The following SOX5 variants were observed in gnomAD, a reference collection of about 807,000 sequenced individuals.
SOX5 encodes the protein transcription factor SOX-5.
SOX5 carries 9 observed loss-of-function variants against 92.0 expected under a neutral mutation model. The ratio of observed to expected loss-of-function variants is 0.10; its 90% CI spans 0.06 to 0.17. The LOEUF is 0.17. Ranked by LOEUF, SOX5 falls within the 10% of genes least tolerant of loss-of-function variation. The probability of loss-of-function intolerance (pLI) is 1.00; values close to 1 mark genes in which losing one functional copy is unlikely to be tolerated. For missense variants in SOX5, 642 were observed against 944.5 expected (o/e 0.68, Z 4.20); for synonymous variants, 344 against 336.3 (o/e 1.02, Z -0.25).
chr12:23,788,245 A>C (rs990883835), intron 3 of SOX5, among the ~76,000 whole-genome samples: 1 of 152,004 alleles, frequency 6.6e-6, no homozygotes, highest in African/African-American at 2.4e-5. Flanking sequence ...GTCAGAGAGT[A>C]GCAAATGTAA....
At chr12:23,930,969 A>ATT (rs759616671) in intron 1 of SOX5, among the ~76,000 whole-genome samples, 20 of 151,598 alleles carry the variant, frequency 1.3e-4, no homozygotes, top group Non-Finnish European at 1.3e-4. Context: ...CCCCATTCAT[A>ATT]TTTTCCTTCA....
chr12:24,523,529 C>A (rs931799215), intron 1 of SOX5, among the ~76,000 whole-genome samples: 3 of 152,122 alleles, frequency 2.0e-5, no homozygotes, highest in Admixed American at 2.0e-4. Context: ...ATGCTACTGG[C>A]ATAAAAATAG....
chr12:23,918,935 G>A (rs11047166), intron 1 of SOX5, among the ~76,000 whole-genome samples: 95,780 of 148,252 alleles, frequency 0.65, 31,230 homozygotes, highest in Non-Finnish European at 0.72. Context: ...GAAAAAAAAA[G>A]AAAGAAAGAA....
At chr12:23,568,592 A>G (rs906113995) in intron 10 of SOX5, among the ~76,000 whole-genome samples, 1 of 152,110 alleles carries the variant, frequency 6.6e-6, no homozygotes, top group African/African-American at 2.4e-5. Flanking sequence ...CACAGAATTC[A>G]TCATCTTTCC....
rs532022745 is a variant in SOX5 at position 24,053,775 on chromosome 12, T to C, written c.-1-157751A>G. Among the ~76,000 whole-genome samples the C allele has an allele frequency of 5.9e-5, 9 of 152,350 alleles. No homozygotes were observed. In the South Asian group the frequency reaches 1.9e-3, roughly 32 times the overall value. Reference sequence around the variant, plus strand: ...TTAAAGAATTTCCATAAATTCTATATTTCATATTTAATAGCTTTCATTGAG... The same window carrying C: ...TTAAAGAATTTCCATAAATTCTATACTTCATATTTAATAGCTTTCATTGAG... On this transcript the variant is annotated intron_variant, in intron 4 of 4. Coordinates refer to the SOX5 transcript ENST00000446891.
chr12:24,212,679 G>A (rs1391961715), intron 4 of SOX5, among the ~76,000 whole-genome samples: 1 of 152,256 alleles, frequency 6.6e-6, no homozygotes, highest in African/African-American at 2.4e-5. Flanking sequence ...AAAGGCCAGT[G>A]TGGCTCTAGC....
At chr12:23,951,029 T>G, upstream of SOX5, 1 of 636,074 alleles carries the variant, frequency 1.6e-6, no homozygotes, top group Admixed American at 2.2e-5. Context: ...TCTCCACTCC[T>G]ACTGGGAGGG....
intron 1 of SOX5, among the ~76,000 whole-genome samples, chr12:24,466,637 A>G (rs1181081210): frequency 6.6e-6 from 1 of 152,216 alleles, no homozygotes; most frequent in Non-Finnish European, 1.5e-5. Flanking sequence ...TCCCAAACCA[A>G]ACATTATGCA....
Position 24,243,946 on chromosome 12 carries a change from G to A in SOX5, c.-76-30529C>T, listed in dbSNP as rs1211946786. On this transcript the variant is annotated intron_variant, in intron 3 of 4. Transcript: ENST00000446891. The stretch of plus-strand genomic sequence containing the variant: ...TGTAACCTTACATTACAGTTCTGCA[G>A]TTATTCTGAATTCAAGCTATCTAAT... 1.3e-5 allele frequency among the ~76,000 whole-genome samples: 2 copies of A among 151,490 alleles called. 1 individual carries two copies. The highest frequency in any genetic ancestry group is 6.3e-3 in the Middle Eastern group (2 of 316).
At chr12:23,739,970 G>A (rs1376257002) in intron 5 of SOX5, among the ~76,000 whole-genome samples, 13 of 152,006 alleles carry the variant, frequency 8.6e-5, no homozygotes, top group Non-Finnish European at 1.3e-4. Context: ...TTGTCTCTCT[G>A]GTTAATTGAG....
intron 2 of SOX5, among the ~76,000 whole-genome samples, chr12:23,877,402 TA>T (rs1230572263): frequency 2.6e-5 from 4 of 151,974 alleles, no homozygotes; most frequent in Non-Finnish European, 5.9e-5. Flanking sequence ...TCTTTGAATT[TA>T]AAAAAAATTG....
chr12:23,779,814 T>TATATATACACACACACAC (rs777013504), intron 3 of SOX5, among the ~76,000 whole-genome samples: 43 of 110,794 alleles, frequency 3.9e-4, no homozygotes, highest in Non-Finnish European at 6.1e-4. Context: ...TATATATATA[T>TATATATACACACACACAC]ACACACACAC....
At chr12:24,475,199 T>C (rs1945233076) in intron 1 of SOX5, among the ~76,000 whole-genome samples, 2 of 152,158 alleles carry the variant, frequency 1.3e-5, no homozygotes, top group Admixed American at 6.5e-5. Context: ...TCTACTCTTT[T>C]CTTTTTAGTT....
intron 4 of SOX5, among the ~76,000 whole-genome samples, chr12:24,163,883 A>AAG: frequency 1.3e-5 from 2 of 152,056 alleles, no homozygotes; most frequent in African/African-American, 4.8e-5. Context: ...AGAGAAAAGC[A>AAG]GCAGAATGCC....
chr12:23,655,892 T>C (rs1289068043), intron 7 of SOX5, among the ~76,000 whole-genome samples: 1 of 152,118 alleles, frequency 6.6e-6, no homozygotes, highest in African/African-American at 2.4e-5. Flanking sequence ...ATAGAAAAAC[T>C]CTTGACATCC....
chr12:24,228,080 C>T (rs1962491077), intron 3 of SOX5, among the ~76,000 whole-genome samples: 1 of 152,166 alleles, frequency 6.6e-6, no homozygotes, highest in Non-Finnish European at 1.5e-5. Flanking sequence ...AGGCATATGG[C>T]TTCCTTCCTC....
chr12:24,080,413 A>T (rs930340591), intron 4 of SOX5, among the ~76,000 whole-genome samples: 2 of 152,082 alleles, frequency 1.3e-5, no homozygotes, highest in Admixed American at 1.3e-4. Flanking sequence ...CTACAATGAT[A>T]TATCTCTTAA....
In SOX5 at chr12:23,701,421, T is replaced by C. The variant is rs568073896; in HGVS notation, c.810+33263A>G. 7.2e-5 allele frequency among the ~76,000 whole-genome samples: 11 copies of C among 152,182 alleles called. No homozygotes were observed. The East Asian group carries it at 1.9e-3, about 27-fold the overall frequency. Reference sequence around the variant, plus strand: ...TAGATTTTGTTATTTTTAGAAATTGTTTATCCCTCTCTGCAAAATCCTTTT... The same window carrying C: ...TAGATTTTGTTATTTTTAGAAATTGCTTATCCCTCTCTGCAAAATCCTTTT... On this transcript the variant is annotated intron_variant, in intron 6 of 14. Coordinates refer to ENST00000451604, the MANE Select transcript of SOX5 (RefSeq NM_006940.6).
intron 11 of SOX5, among the ~76,000 whole-genome samples, chr12:23,553,798 G>C (rs1341255428): frequency 6.6e-6 from 1 of 152,098 alleles, no homozygotes; most frequent in African/African-American, 2.4e-5. Flanking sequence ...AATGTTGTCT[G>C]ATGATAATTA....
Sources: gnomAD v4.1 joint callset for allele counts (sites outside exome capture counted in the v4.1 genomes callset) on GRCh38, gnomAD v4.1.1 for gene constraint, MANE v1.5 for transcripts, NCBI Gene and HGNC (gene_info 2026-07-23, HGNC 2026-07-21) for gene names.